SLC2A14: variants seen among roughly 807,000 people sequenced by gnomAD.
The protein encoded by SLC2A14 is solute carrier family 2, facilitated glucose transporter member 14.
Under a neutral mutation model 43.0 loss-of-function variants are expected in SLC2A14, and 13 were observed. That is an observed-to-expected ratio of 0.30 (90% CI 0.20 to 0.48). The LOEUF (loss-of-function observed/expected upper bound fraction) is 0.48, where lower values mean the gene tolerates loss of function less well. Among genes scored for constraint, SLC2A14 ranks in the 20% least tolerant of loss-of-function variants. The pLI, the probability that SLC2A14 is intolerant of heterozygous loss-of-function variation, is 0.99. For synonymous variants in SLC2A14, 190 were observed against 233.8 expected, an observed-to-expected ratio of 0.81 and a Z score of 1.71; for missense variants, 428 against 620.4, an observed-to-expected ratio of 0.69 and a Z score of 3.29.
In SLC2A14 at chr12:7,854,851, C is replaced by T. The variant is rs955768435; in HGVS notation, c.18+15012G>A. On this transcript the variant is annotated intron_variant, in intron 2 of 10. Coordinates refer to ENST00000431042, the MANE Select transcript of SLC2A14 (RefSeq NM_001286234.2). ...TTTGAGATGGAGTCTCGCTCTGTCA[C>T]CCAGTCTGGAGTGTAGTGGCGCGAT... 4.0e-5 allele frequency among the ~76,000 whole-genome samples: 6 copies of T among 150,834 alleles called. No homozygotes were observed. The East Asian group carries it at 7.9e-4, about 20-fold the overall frequency.
chr12:7,862,199 G>A (rs1944602477), intron 2 of SLC2A14, among the ~76,000 whole-genome samples: 2 of 147,850 alleles, frequency 1.4e-5, no homozygotes, highest in East Asian at 2.0e-4. Flanking sequence ...AGGAGGCGGA[G>A]GTTGCAGTGA....
At chr12:7,837,656 A>AAAAAAAAAAAAAAAAAAT in intron 2 of SLC2A14, among the ~76,000 whole-genome samples, 1 of 137,026 alleles carries the variant, frequency 7.3e-6, no homozygotes, top group African/African-American at 2.8e-5. Context: ...AAAAAAAAAA[A>AAAAAAAAAAAAAAAAAAT]GATGGTTCAC....
chr12:7,879,458 G>A (rs929973085), intron 1 of SLC2A14, among the ~76,000 whole-genome samples: 2 of 152,026 alleles, frequency 1.3e-5, no homozygotes, highest in Non-Finnish European at 2.9e-5. Flanking sequence ...AAGGGGAGCG[G>A]ATCAACTGAG....
upstream of SLC2A14, chr12:7,873,028 G>A (rs1945327308): frequency 1.0e-6 from 1 of 985,544 alleles, no homozygotes; most frequent in African/African-American, 1.7e-5. Context: ...CCTGCGGTCA[G>A]AGCAGGGGTC....
intron 1 of SLC2A14, among the ~76,000 whole-genome samples, chr12:7,880,349 C>A (rs1945543833): frequency 6.7e-6 from 1 of 148,558 alleles, no homozygotes; most frequent in Admixed American, 6.7e-5. Flanking sequence ...ACAACAACAA[C>A]AAAAACACAC....
At chr12:7,826,861 T>TCTTTTTTTTC (rs1555121667) in intron 7 of SLC2A14, among the ~76,000 whole-genome samples, 3,988 of 60,062 alleles carry the variant, frequency 0.066, 245 homozygotes, top group Non-Finnish European at 0.081. Flanking sequence ...TTCCTTTCTT[T>TCTTTTTTTTC]TTTCTTTCTT....
intron 10 of SLC2A14, among the ~76,000 whole-genome samples, chr12:7,816,979 T>C (rs1194498076): frequency 1.3e-5 from 2 of 152,170 alleles, no homozygotes; most frequent in Admixed American, 6.6e-5. Context: ...AGTCCTAGGA[T>C]TACCGGCTTT....
At chr12:7,842,049 C>T (rs1395849240) in intron 2 of SLC2A14, among the ~76,000 whole-genome samples, 2 of 151,900 alleles carry the variant, frequency 1.3e-5, no homozygotes, top group Non-Finnish European at 2.9e-5. Context: ...CCTCCCTTCC[C>T]TACTCCTCCA....
chr12:7,814,591 A>T lies in SLC2A14; in HGVS notation c.1276-57T>A, dbSNP rs1008037871. 4.2e-5 allele frequency: 65 copies of T among 1,546,126 alleles called. No individual in the cohort carries two copies. The Middle Eastern group carries it at 8.8e-4, about 21-fold the overall frequency. On this transcript the variant is annotated intron_variant, in intron 10 of 10. Coordinates refer to ENST00000431042, the MANE Select transcript of SLC2A14 (RefSeq NM_001286234.2). Reference sequence around the variant, plus strand: ...TATAAAAATCTGGTCATTGACAAATACAATTTCCTTCACATTCATATTTCC... The same window carrying T: ...TATAAAAATCTGGTCATTGACAAATTCAATTTCCTTCACATTCATATTTCC...
chr12:7,885,637 C>G (rs1945675497), intron 1 of SLC2A14, among the ~76,000 whole-genome samples: 2 of 150,890 alleles, frequency 1.3e-5, no homozygotes, highest in Admixed American at 1.3e-4. Context: ...GAGATTCTTT[C>G]AAGCTCTATA....
At chr12:7,882,455 A>AT (rs1480039199) in intron 1 of SLC2A14, among the ~76,000 whole-genome samples, 1 of 152,094 alleles carries the variant, frequency 6.6e-6, no homozygotes, top group Non-Finnish European at 1.5e-5. Flanking sequence ...GAGACCAAGA[A>AT]TCCCCCAATT....
chr12:7,832,036 G>A (rs1865081889), intron 3 of SLC2A14, among the ~76,000 whole-genome samples: 1 of 152,184 alleles, frequency 6.6e-6, no homozygotes, highest in Non-Finnish European at 1.5e-5. Context: ...TGAACCCGTG[G>A]GGCGGAGTTT....
At chr12:7,842,810 C>T (rs1866087786) in intron 2 of SLC2A14, among the ~76,000 whole-genome samples, 1 of 151,436 alleles carries the variant, frequency 6.6e-6, no homozygotes, top group African/African-American at 2.4e-5. Context: ...CTCATCGCAA[C>T]CTCCGCCTCC....
rs774259099 is a variant in SLC2A14 at position 7,834,636 on chromosome 12, G to A, written c.19-1822C>T. Among the ~76,000 whole-genome samples, 72 of 151,652 alleles carry A rather than the reference G, an allele frequency of 4.7e-4. 1 individual carries two copies. Among genetic ancestry groups the A allele is most frequent in the Middle Eastern group, 3.4e-3 (1 of 294 alleles). Reference sequence around the variant, plus strand: ...AGACCCAGCTACTTGGGAGGCTGGGGTGGGAGGATCACTTGAGCCCAGGAG... The same window carrying A: ...AGACCCAGCTACTTGGGAGGCTGGGATGGGAGGATCACTTGAGCCCAGGAG... On this transcript the variant is annotated intron_variant, in intron 2 of 10. Transcript: ENST00000431042.
intron 2 of SLC2A14, among the ~76,000 whole-genome samples, chr12:7,849,991 G>A (rs1174245545): frequency 6.7e-6 from 1 of 148,252 alleles, no homozygotes; most frequent in Non-Finnish European, 1.5e-5. Flanking sequence ...GACCTCAAAA[G>A]TTACAATGTG....
intron 5 of SLC2A14, 133 bp from the exon 6 acceptor site, chr12:7,828,999 G>T (rs1864760557): frequency 1.8e-6 from 2 of 1,133,932 alleles, no homozygotes; most frequent in African/African-American, 3.1e-5. Context: ...GAGGCAGGTG[G>T]ATCAGGAGTT....
intron 7 of SLC2A14, among the ~76,000 whole-genome samples, chr12:7,826,876 T>C (rs1287008136): frequency 0.22 from 12,618 of 58,096 alleles, 2,293 homozygotes; most frequent in African/African-American, 0.27. Flanking sequence ...TTTCTTTCTT[T>C]CTTTCTTTCT....
rs183397574 is a variant in SLC2A14 at position 7,865,160 on chromosome 12, G to A, written c.18+4703C>T. 1.5e-3 allele frequency among the ~76,000 whole-genome samples: 226 copies of A among 152,208 alleles called. 1 individual carries two copies. The highest frequency in any genetic ancestry group is 4.7e-3 in the African/African-American group (194 of 41,554). Reference sequence around the variant, plus strand: ...TCGTTATTATTATATCTGTTATAGTGATCTGTGATCAGTGATCTTTGATAT... The same window carrying A: ...TCGTTATTATTATATCTGTTATAGTAATCTGTGATCAGTGATCTTTGATAT... On this transcript the variant is annotated intron_variant, in intron 2 of 10. Coordinates refer to ENST00000431042, the MANE Select transcript of SLC2A14 (RefSeq NM_001286234.2).
chr12:7,812,931 T>C lies in SLC2A14; in HGVS notation c.*1385A>G, dbSNP rs1944453212. 5 of 152,110 alleles carry C rather than the reference T, an allele frequency of 3.3e-5. No homozygotes were observed. Among genetic ancestry groups the C allele is most frequent in the Admixed American group, 3.3e-4 (5 of 15,260 alleles). 9.4% of individuals were successfully genotyped at this position (152,110 alleles called of 1,614,324 possible). On this transcript the variant is annotated 3_prime_UTR_variant, in exon 11 of 11. Coordinates refer to ENST00000431042, the MANE Select transcript of SLC2A14 (RefSeq NM_001286234.2). ...ACCCAGAGCAAAGTGACAGTGCACA[T>C]ACATTCATCCTCTCAAGTGTGGGCT...
Sources: allele counts gnomAD v4.1 joint callset (sites outside exome capture counted in the v4.1 genomes callset), GRCh38; gene constraint gnomAD v4.1.1; transcripts MANE v1.5; gene names NCBI Gene and HGNC (gene_info 2026-07-23, HGNC 2026-07-21).